POC1A: variants seen among roughly 807,000 people sequenced by gnomAD.
POC1A encodes POC1 centriolar protein A, also known as POC1 centriolar protein homolog A.
In POC1A, 34 loss-of-function variants were observed where a neutral mutation model predicts 47.8. The ratio of observed to expected loss-of-function variants is 0.71; its 90% CI spans 0.54 to 0.95. The LOEUF is 0.95. Ranked by LOEUF, POC1A falls within the 40% of genes least tolerant of loss-of-function variation. The pLI is 0.00. For synonymous variants in POC1A, 177 were observed against 207.6 expected, an observed-to-expected ratio of 0.85 and a Z score of 1.27; for missense variants, 466 against 528.3, an observed-to-expected ratio of 0.88 and a Z score of 1.16.
chr3:52,088,496 C>T (rs964706607), intron 10 of POC1A, among the ~76,000 whole-genome samples: 10 of 152,284 alleles, frequency 6.6e-5, no homozygotes, highest in African/African-American at 1.9e-4. Context: ...CTTTACAGAG[C>T]GCATGGGAGG....
intron 6 of POC1A, among the ~76,000 whole-genome samples, chr3:52,145,318 G>T (rs867176208): frequency 1.6e-4 from 24 of 152,304 alleles, no homozygotes; most frequent in Middle Eastern, 3.4e-3. Context: ...ACCATCCTGG[G>T]CCTGGCCCCT....
chr3:52,081,096 C>G (rs1293163516), intron 10 of POC1A, among the ~76,000 whole-genome samples: 1 of 152,228 alleles, frequency 6.6e-6, no homozygotes, highest in African/African-American at 2.4e-5. Context: ...AGCCATGGCC[C>G]TTCTCAAGAA....
chr3:52,145,992 G>A (rs1383153072), intron 5 of POC1A, 31 bp from the exon 6 acceptor site: 1 of 1,366,738 alleles, frequency 7.3e-7, no homozygotes, highest in Admixed American at 1.7e-5. Flanking sequence ...ATGCACTATA[G>A]GAGGTCTGCC....
chr3:52,089,785 G>T (rs1702585738), intron 10 of POC1A, among the ~76,000 whole-genome samples: 1 of 152,126 alleles, frequency 6.6e-6, no homozygotes. Flanking sequence ...AAAATTGGGG[G>T]TCTATTTCCA....
chr3:52,138,308 G>T lies in POC1A; in HGVS notation c.680-6C>A, dbSNP rs1698054654. 2 of 1,608,860 alleles carry T rather than the reference G, an allele frequency of 1.2e-6. No homozygotes were observed. Among genetic ancestry groups the T allele is most frequent in the African/African-American group, 2.7e-5 (2 of 74,790 alleles). On this transcript the variant is annotated splice_polypyrimidine_tract_variant and splice_region_variant and intron_variant, in intron 6 of 10. Coordinates refer to ENST00000296484, the MANE Select transcript of POC1A (RefSeq NM_015426.5). The stretch of plus-strand genomic sequence containing the variant: ...GTTCACTGCTGCACTGTGCACTGGG[G>T]GAAGGACATCAGTCAGGTGCTGGCT...
At chr3:52,100,437 G>A in intron 9 of POC1A, among the ~76,000 whole-genome samples, 1 of 152,164 alleles carries the variant, frequency 6.6e-6, no homozygotes. Flanking sequence ...GAAAAAGACT[G>A]ACAATCTAAA....
intron 7 of POC1A, 110 bp from the exon 8 acceptor site, chr3:52,125,291 G>A (rs1198356212): frequency 1.8e-5 from 16 of 890,136 alleles, no homozygotes; most frequent in African/African-American, 8.4e-5. Context: ...ATAAAGGACC[G>A]AGAGCCCACT....
intron 8 of POC1A, 145 bp downstream of exon 8, chr3:52,124,968 G>A: frequency 1.6e-6 from 1 of 628,300 alleles, no homozygotes; most frequent in Admixed American, 2.9e-5. Flanking sequence ...CCCACCCCAA[G>A]CGCCATCAGG....
intron 6 of POC1A, among the ~76,000 whole-genome samples, chr3:52,141,573 C>T (rs572711017): frequency 1.4e-4 from 22 of 152,336 alleles, no homozygotes; most frequent in African/African-American, 5.3e-4. Flanking sequence ...ATGCTCACTT[C>T]AGGACAGTGG....
intron 7 of POC1A, among the ~76,000 whole-genome samples, chr3:52,136,183 C>G (rs1704453660): frequency 6.6e-6 from 1 of 152,116 alleles, no homozygotes; most frequent in Non-Finnish European, 1.5e-5. Flanking sequence ...ACAAAGAACC[C>G]TTAAAACTTG....
chr3:52,117,556 C>A (rs1257326546), intron 9 of POC1A, among the ~76,000 whole-genome samples: 1 of 152,266 alleles, frequency 6.6e-6, no homozygotes, highest in East Asian at 1.9e-4. Flanking sequence ...GAAGCTAGAA[C>A]CCAGGCTCTT....
intron 3 of POC1A, 33 bp downstream of exon 3, chr3:52,149,783 C>T (rs1698492125): frequency 6.3e-7 from 1 of 1,595,614 alleles, no homozygotes; most frequent in East Asian, 2.2e-5. Context: ...GGGCCCCAGA[C>T]TCCAACAAGC....
intron 2 of POC1A, 81 bp downstream of exon 2, chr3:52,150,935 T>G: frequency 7.8e-7 from 1 of 1,283,392 alleles, no homozygotes; most frequent in East Asian, 2.3e-5. Flanking sequence ...GTGCTCTGCT[T>G]CCCACCCACC....
rs766279211 is a variant in POC1A at position 52,149,411 on chromosome 3, A to T, written c.276-22T>A. 3.7e-6 allele frequency: 6 copies of T among 1,611,146 alleles called. No individual in the cohort carries two copies. The Admixed American group carries it at 1.0e-4, about 27-fold the overall frequency. ...TTTGCTACAAGGACAGGCATCCAAG[A>T]GTAAGGAAACCCATAACAGTGACAT... is the stretch of plus-strand genomic sequence containing the variant. On this transcript the variant is annotated intron_variant, in intron 3 of 10. Transcript: ENST00000296484.
chr3:52,149,808 C>T lies in POC1A; in HGVS notation c.275+8G>A, dbSNP rs376958555. ...CTCCAACAAGCCTCCTCAAAGTGTA[C>T]GACTCACACATTGGGTACCCAGATG... On this transcript the variant is annotated splice_region_variant and intron_variant, in intron 3 of 10. Coordinates refer to ENST00000296484, the MANE Select transcript of POC1A (RefSeq NM_015426.5). 1.1e-5 allele frequency: 17 copies of T among 1,610,596 alleles called. No homozygotes were observed. Among genetic ancestry groups the T allele is most frequent in the African/African-American group, 2.7e-5 (2 of 74,830 alleles).
chr3:52,154,349 G>C lies in POC1A; in HGVS notation c.18+6C>G. The C allele has an allele frequency of 6.4e-7, 1 of 1,552,068 alleles. No individual in the cohort carries two copies. Among genetic ancestry groups the C allele is most frequent in the Non-Finnish European group, 8.7e-7 (1 of 1,153,872 alleles). ...GGCCTGGGGAGTTGCTCTCGGCTGG[G>C]CTTACCGCGCAGGGCGCAGCCATGG... On this transcript the variant is annotated splice_donor_region_variant and intron_variant, in intron 1 of 10. Coordinates refer to ENST00000296484, the MANE Select transcript of POC1A (RefSeq NM_015426.5).
chr3:52,103,395 G>A (rs576476926), intron 9 of POC1A, among the ~76,000 whole-genome samples: 15 of 152,198 alleles, frequency 9.9e-5, no homozygotes, highest in African/African-American at 2.4e-4. Context: ...GTGTGGTGGC[G>A]GGCACCTGTA....
At chr3:52,123,481 C>T (rs1703873044) in intron 8 of POC1A, among the ~76,000 whole-genome samples, 1 of 152,184 alleles carries the variant, frequency 6.6e-6, no homozygotes, top group African/African-American at 2.4e-5. Context: ...TGGACACCAT[C>T]CCTGTCTGTC....
At chr3:52,111,390 T>C (rs1286945377) in intron 9 of POC1A, among the ~76,000 whole-genome samples, 1 of 152,108 alleles carries the variant, frequency 6.6e-6, no homozygotes, top group Non-Finnish European at 1.5e-5. Flanking sequence ...CTCATGCCTG[T>C]AATCCCAACA....
Sources: gnomAD v4.1 joint callset for allele counts (sites outside exome capture counted in the v4.1 genomes callset) on GRCh38, gnomAD v4.1.1 for gene constraint, MANE v1.5 for transcripts, NCBI Gene and HGNC (gene_info 2026-07-23, HGNC 2026-07-21) for gene names.